The following RTTN variants were observed in gnomAD, a reference collection of about 807,000 sequenced individuals.
RTTN encodes the protein rotatin.
In RTTN, 182 loss-of-function variants were observed where a neutral mutation model predicts 269.2. The observed-to-expected ratio is 0.68, with a 90% CI of 0.60 to 0.76. RTTN has a LOEUF of 0.76. Among genes scored for constraint, RTTN ranks in the 30% least tolerant of loss-of-function variants. RTTN has a pLI of 0.00. For missense variants in RTTN, 2,545 were observed against 2,608.6 expected (o/e 0.98, Z 0.53); for synonymous variants, 1,006 against 963.5 (o/e 1.04, Z -0.82).
rs1470555546 is a variant in RTTN at position 70,133,093 on chromosome 18, T to A, written c.2954+1380A>T. Among the ~76,000 whole-genome samples the A allele has an allele frequency of 2.6e-5, 4 of 152,260 alleles. No homozygotes were observed. In the East Asian group the frequency reaches 7.7e-4, roughly 29 times the overall value. On this transcript the variant is annotated intron_variant, in intron 23 of 48. Transcript: ENST00000640769. ...GCAATCTTGAGTGCTGTGGCTCTTA[T>A]AAGCAACCTGGAAACTATGCCTACA...
intron 45 of RTTN, chr18:70,019,640 T>A (rs376238673): frequency 1.7e-4 from 26 of 152,218 alleles, no homozygotes; most frequent in African/African-American, 6.0e-4. Context: ...ATGCCCACTG[T>A]GGCTGATTTC....
chr18:70,058,282 C>G lies in RTTN; in HGVS notation c.4941-450G>C, dbSNP rs542944606. ...CTGTAATCCCAGCACTTTGGGAGGC[C>G]AAGGTGGGTGGATCACCTGGGGTCA... On this transcript the variant is annotated intron_variant, in intron 36 of 48. Coordinates refer to ENST00000640769, the MANE Select transcript of RTTN (RefSeq NM_173630.4). 2.0e-5 allele frequency among the ~76,000 whole-genome samples: 3 copies of G among 152,264 alleles called. No individual in the cohort carries two copies. The South Asian group carries it at 6.2e-4, about 32-fold the overall frequency.
At position 70,196,511 on chromosome 18, in the gene RTTN, G is replaced by A. The variant is rs780236152; in HGVS notation, c.831C>T (p.Ser277=). The A allele has an allele frequency of 1.9e-5, 31 of 1,609,092 alleles. 1 individual carries two copies. The highest frequency in any genetic ancestry group is 2.3e-5 in the Non-Finnish European group (27 of 1,178,672). Residue 277 remains serine, a synonymous_variant, in exon 7 of 49, where the codon TCC becomes TCT. Coordinates refer to ENST00000640769, the MANE Select transcript of RTTN (RefSeq NM_173630.4). ...GATAAAAATAAATACCGTGTTTATT[G>A]GAGAAAAAACCTGGATCTCGGTGAA... is the stretch of plus-strand genomic sequence containing the variant. ...LNFHRDPGFF[S]NKHDTVSQNS...
chr18:70,170,920 C>G (rs935170034), intron 11 of RTTN, among the ~76,000 whole-genome samples: 2 of 152,070 alleles, frequency 1.3e-5, no homozygotes, highest in Non-Finnish European at 2.9e-5. Context: ...AAGGCTGACT[C>G]TAAGGTTTTT....
In RTTN at chr18:70,005,275, A is replaced by G. The variant is rs367804618; in HGVS notation, c.6526-8T>C. 12 of 1,608,010 alleles carry G rather than the reference A, an allele frequency of 7.5e-6. No homozygotes were observed. In the African/African-American group the frequency reaches 1.1e-4, roughly 14 times the overall value. On this transcript the variant is annotated splice_region_variant and splice_polypyrimidine_tract_variant and intron_variant, in intron 47 of 48. Transcript: ENST00000640769. Reference sequence around the variant, plus strand: ...TTTCAAAGCTGTTTTTGCCTAGAACAATCCATTAATTAGGTTTCTTGCCAT... The same window carrying G: ...TTTCAAAGCTGTTTTTGCCTAGAACGATCCATTAATTAGGTTTCTTGCCAT...
chr18:70,150,465 T>C, intron 15 of RTTN, 143 bp downstream of exon 15: 1 of 723,402 alleles, frequency 1.4e-6, no homozygotes, highest in East Asian at 2.7e-5. Context: ...TTTATTTAAA[T>C]AACACTTCAA....
rs2057829344 is a variant in RTTN, at chr18:70,056,803, C to T, written c.5031+939G>A. On this transcript the variant is annotated intron_variant, in intron 37 of 48. Transcript: ENST00000640769. ...CCCTACCCTTCCAACTCTGACATCA[C>T]TTCCTGTCCCCTGCTTTAGTTTTTC... 2.0e-5 allele frequency among the ~76,000 whole-genome samples: 3 copies of T among 152,358 alleles called. No individual in the cohort carries two copies. In the South Asian group the frequency reaches 6.2e-4, roughly 32 times the overall value.
rs754773032 is a variant in RTTN, at chr18:70,048,178, G to A, written c.5334C>T (p.Cys1778=). 60 of 1,612,772 alleles carry A rather than the reference G, an allele frequency of 3.7e-5. No homozygotes were observed. In the Admixed American group the frequency reaches 5.5e-4, roughly 15 times the overall value. The stretch of plus-strand genomic sequence containing the variant: ...ACGTGGCAGACAAGCCTGCACATGT[G>A]CAGAACATATCTAAAGGAATAATTT... ...KHWTAAIDMF[C]TCAGLSATCP... is the part of the protein sequence containing the mutation. Residue 1778 remains cysteine, a synonymous_variant, in exon 40 of 49, where the codon TGC becomes TGT. Transcript: ENST00000640769.
chr18:70,071,556 C>T (rs1348808628), intron 34 of RTTN, among the ~76,000 whole-genome samples: 1 of 152,138 alleles, frequency 6.6e-6, no homozygotes, highest in Admixed American at 6.6e-5. Flanking sequence ...ATGGCTGCAT[C>T]CTCCTACCCC....
chr18:70,084,844 A>G (rs2058661577), intron 32 of RTTN, among the ~76,000 whole-genome samples: 1 of 152,196 alleles, frequency 6.6e-6, no homozygotes. Context: ...TTTTTAGTAG[A>G]AAAGGATTTC....
Position 70,166,997 on chromosome 18 carries a change from G to A in RTTN, c.1724C>T (p.Ala575Val). The change falls in exon 13 of 49, where the codon GCA (alanine) becomes GTA (valine). Residue 575 changes from alanine to valine, a missense_variant. Ala to Val is a moderately conservative substitution (Grantham distance 64). Transcript: ENST00000640769. ...EKNLLELVEL[A>V]DQALRSFSYH... The stretch of plus-strand genomic sequence containing the variant: ...GGAAAAGCTACGCAAGGCTTGGTCT[G>A]CCAGCTCCACTAATTCTAAGAGATT... The A allele has an allele frequency of 1.2e-6, 2 of 1,613,110 alleles. No individual in the cohort carries two copies. Among genetic ancestry groups the A allele is most frequent in the Middle Eastern group, 1.7e-4 (1 of 6,058 alleles).
intron 26 of RTTN, among the ~76,000 whole-genome samples, chr18:70,118,072 G>T (rs2059643736): frequency 6.6e-6 from 1 of 151,644 alleles, no homozygotes; most frequent in Admixed American, 6.6e-5. Context: ...AGAAAAAGAA[G>T]CATAAATGAA....
At chr18:70,174,543 T>C (rs1418982437) in intron 11 of RTTN, among the ~76,000 whole-genome samples, 1 of 152,024 alleles carries the variant, frequency 6.6e-6, no homozygotes, top group African/African-American at 2.4e-5. Context: ...CAATTCAGCA[T>C]AGTGTTATTT....
intron 30 of RTTN, among the ~76,000 whole-genome samples, chr18:70,089,187 C>G (rs1479459762): frequency 6.6e-6 from 1 of 152,194 alleles, no homozygotes; most frequent in Non-Finnish European, 1.5e-5. Flanking sequence ...CCCTAATCCC[C>G]AACCTGTATT....
At chr18:70,103,619 C>A (rs10048258) in intron 28 of RTTN, among the ~76,000 whole-genome samples, 1 of 152,024 alleles carries the variant, frequency 6.6e-6, no homozygotes, top group Non-Finnish European at 1.5e-5. Context: ...ACAGACACTG[C>A]GGAAGGCCAC....
Position 70,204,257 on chromosome 18 carries a change from G to C in RTTN, c.226C>G (p.Pro76Ala). The change falls in exon 3 of 49, where the codon CCA becomes GCA. Residue 76 changes from proline (P) to alanine (A), a missense_variant. Physicochemically the swap from Pro to Ala is conservative, Grantham distance 27. Coordinates refer to ENST00000640769, the MANE Select transcript of RTTN (RefSeq NM_173630.4). ...ACGTCAACCAAATGTTGGACTGCTG[G>C]GGGATACTAAAATAAGAAGAGGATG... ...NLLSRLVKYP[P>A]AVQHLVDVGA... 1 of 1,603,994 alleles carries C rather than the reference G, an allele frequency of 6.2e-7. No individual in the cohort carries two copies. The highest frequency in any genetic ancestry group is 1.1e-5 in the South Asian group (1 of 88,444).
chr18:70,089,041 A>G (rs1037386577), intron 30 of RTTN, among the ~76,000 whole-genome samples: 1 of 152,074 alleles, frequency 6.6e-6, no homozygotes, highest in Non-Finnish European at 1.5e-5. Flanking sequence ...TTCTCCAATA[A>G]TTTTCCACTC....
rs775398738 is a variant in RTTN, at chr18:70,149,541, T to TA, written c.2172+429dup. Among the ~76,000 whole-genome samples the TA allele has an allele frequency of 8.6e-3, 1,274 of 147,780 alleles. 14 individuals are homozygous for TA. Among genetic ancestry groups the TA allele is most frequent in the East Asian group, 0.027 (137 of 5,060 alleles). ...TTAATGTCCAGAAGGATTGCTTTTT[T>TA]AAAAAAAAAAAAAAAAGCTGTTTCT... On this transcript the variant is annotated intron_variant, in intron 16 of 48. Coordinates refer to ENST00000640769, the MANE Select transcript of RTTN (RefSeq NM_173630.4).
At chr18:70,204,321 AG>A in intron 2 of RTTN, 58 bp from the exon 3 acceptor site, 1 of 1,450,630 alleles carries the variant, frequency 6.9e-7, no homozygotes, top group Non-Finnish European at 9.4e-7. Flanking sequence ...TATAACTTAC[AG>A]CAATCAAAAC....
Sources: gnomAD v4.1 joint callset for allele counts (sites outside exome capture counted in the v4.1 genomes callset) on GRCh38, gnomAD v4.1.1 for gene constraint, MANE v1.5 for transcripts, NCBI Gene and HGNC (gene_info 2026-07-23, HGNC 2026-07-21) for gene names.